Variants in ZFR2 observed in about 807,000 individuals in gnomAD.
The protein encoded by ZFR2 is zinc finger RNA binding protein 2, also known as zinc finger RNA-binding protein 2.
ZFR2 carries 104 observed loss-of-function variants against 105.7 expected under a neutral mutation model. The ratio of observed to expected loss-of-function variants is 0.98; its 90% CI spans 0.84 to 1.16. The LOEUF (loss-of-function observed/expected upper bound fraction) is 1.16. Ranked by LOEUF, ZFR2 falls within the 50% of genes most tolerant of loss-of-function variation. ZFR2 has a pLI of 0.00. For missense variants in ZFR2, 1,425 were observed against 1,355.5 expected (o/e 1.05, Z -0.80); for synonymous variants, 634 against 597.7 (o/e 1.06, Z -0.89).
At position 3,808,992 on chromosome 19, in the gene ZFR2, G is replaced by A; in HGVS notation, c.2434-9C>T. 1 of 1,538,688 alleles carries A rather than the reference G, an allele frequency of 6.5e-7. No individual in the cohort carries two copies. ...ACCAGCAGCTCCATGGCCTGGTGGGGACAGAAGAGCAGTTGCTGTGTTTTG... is the reference window on the plus strand; with the variant it reads ...ACCAGCAGCTCCATGGCCTGGTGGGAACAGAAGAGCAGTTGCTGTGTTTTG... On this transcript the variant is annotated splice_polypyrimidine_tract_variant and intron_variant, in intron 16 of 18. Coordinates refer to ENST00000262961, the MANE Select transcript of ZFR2 (RefSeq NM_015174.2).
chr19:3,827,697 C>G, intron 5 of ZFR2, 44 bp from the exon 6 acceptor site: 4 of 1,552,486 alleles, frequency 2.6e-6, no homozygotes, highest in Non-Finnish European at 3.5e-6. Flanking sequence ...GGTTTGCACA[C>G]TGGCCACTGT....
intron 13 of ZFR2, among the ~76,000 whole-genome samples, chr19:3,815,360 G>T (rs916996978): frequency 1.3e-5 from 2 of 152,178 alleles, no homozygotes; most frequent in African/African-American, 4.8e-5. Context: ...AAAGTGTTGG[G>T]ATTACAGGCA....
intron 3 of ZFR2, among the ~76,000 whole-genome samples, chr19:3,832,488 A>C (rs1275461745): frequency 2.0e-5 from 3 of 150,970 alleles, no homozygotes; most frequent in Admixed American, 2.0e-4. Context: ...TGCCCGGCTA[A>C]TTTTTCTATT....
intron 1 of ZFR2, 26 bp downstream of exon 1, chr19:3,868,923 AGGGGCCGGGACTGGCG>A: frequency 8.0e-7 from 1 of 1,254,918 alleles, no homozygotes; most frequent in Non-Finnish European, 1.0e-6. Context: ...GCCAGGCTGC[AGGGGCCGGGACTGGCG>A]GGGGCTGGCG....
chr19:3,824,794 G>A (rs190706660), intron 7 of ZFR2, among the ~76,000 whole-genome samples: 3 of 152,238 alleles, frequency 2.0e-5, no homozygotes, highest in Admixed American at 6.5e-5. Context: ...AAAATTAGCC[G>A]GGCGTGGTGG....
chr19:3,831,434 C>A lies in ZFR2; in HGVS notation c.721G>T (p.Gly241Cys). ...QQLPPPPAPA[G>C]SGSSPRADSK... The stretch of plus-strand genomic sequence containing the variant: ...TCGGCCCTGGGGCTGCTTCCTGAGC[C>A]TGCAGGCGCGGGCGGCGGGGGCAGC... The change falls in exon 5 of 19, where the codon GGC becomes TGC. Residue 241 changes from glycine (G) to cysteine (C), a missense_variant. Coordinates refer to ENST00000262961, the MANE Select transcript of ZFR2 (RefSeq NM_015174.2). The A allele has an allele frequency of 6.4e-7, 1 of 1,553,168 alleles. No individual in the cohort carries two copies. The highest frequency in any genetic ancestry group is 8.7e-7 in the Non-Finnish European group (1 of 1,149,768).
At position 3,857,995 on chromosome 19, in the gene ZFR2, C is replaced by T. The variant is rs140046282; in HGVS notation, c.53+10970G>A. Among the ~76,000 whole-genome samples the T allele has an allele frequency of 1.3e-3, 194 of 152,278 alleles. 2 individuals are homozygous for T. The East Asian group carries it at 0.034, about 27-fold the overall frequency. On this transcript the variant is annotated intron_variant, in intron 1 of 18. Transcript: ENST00000262961. Reference sequence around the variant, plus strand: ...CTGCCCGGCACTCCCACCTTCAGGCCCCAGGCTAATGTCTTTTGATGGCTT... The same window carrying T: ...CTGCCCGGCACTCCCACCTTCAGGCTCCAGGCTAATGTCTTTTGATGGCTT...
At chr19:3,865,014 G>A (rs2038414093) in intron 1 of ZFR2, among the ~76,000 whole-genome samples, 1 of 152,114 alleles carries the variant, frequency 6.6e-6, no homozygotes, top group Admixed American at 6.6e-5. Flanking sequence ...CTCCCAAAGT[G>A]CTGGGATTAC....
In ZFR2 at chr19:3,825,084, T is replaced by A. The variant is rs904351064; in HGVS notation, c.1213+146A>T. The stretch of plus-strand genomic sequence containing the variant: ...GGGAGGCCATCTTGCTCTGCAGGAA[T>A]AAGGGAGAGACGGCACCAGCCAGCC... On this transcript the variant is annotated intron_variant, in intron 7 of 18. Coordinates refer to ENST00000262961, the MANE Select transcript of ZFR2 (RefSeq NM_015174.2). 4.2e-6 allele frequency: 4 copies of A among 960,414 alleles called. No homozygotes were observed. In the African/African-American group the frequency reaches 7.0e-5, roughly 17 times the overall value. The allele number at this position is 960,414 out of a possible 1,614,324, so 59.5% of individuals were successfully genotyped here.
rs1466432974 is a variant in ZFR2 at position 3,813,072 on chromosome 19, T to C, written c.2242+748A>G. On this transcript the variant is annotated intron_variant, in intron 14 of 18. Coordinates refer to ENST00000262961, the MANE Select transcript of ZFR2 (RefSeq NM_015174.2). The surrounding 1 kb of genome is among the most constrained non-coding windows in gnomAD (Gnocchi z 4.4). ...TCCAGCCTGGGCAACAGAGCGAGAC[T>C]CTGTCTCAAAAAACAAACAAACAAA... Among the ~76,000 whole-genome samples the C allele has an allele frequency of 1.3e-5, 2 of 152,168 alleles. No individual in the cohort carries two copies. The highest frequency in any genetic ancestry group is 2.9e-5 in the Non-Finnish European group (2 of 68,030).
chr19:3,860,887 G>C (rs1040497720), intron 1 of ZFR2, among the ~76,000 whole-genome samples: 1 of 152,104 alleles, frequency 6.6e-6, no homozygotes, highest in African/African-American at 2.4e-5. Context: ...TGAGCCGCTC[G>C]TGTCAAGGGC....
At chr19:3,862,952 G>A (rs1025782875) in intron 1 of ZFR2, among the ~76,000 whole-genome samples, 2 of 152,238 alleles carry the variant, frequency 1.3e-5, no homozygotes, top group Non-Finnish European at 2.9e-5. Flanking sequence ...ACAGCTGGAG[G>A]GGCCCACGGT....
chr19:3,810,902 G>A (rs2145133252), intron 15 of ZFR2, 57 bp from the exon 16 acceptor site: 1 of 1,530,940 alleles, frequency 6.5e-7, no homozygotes, highest in Non-Finnish European at 8.8e-7. Flanking sequence ...ACACGGCATG[G>A]CGCCGGGCTC....
At chr19:3,832,631 T>TA (rs2038030847) in intron 3 of ZFR2, among the ~76,000 whole-genome samples, 1 of 150,312 alleles carries the variant, frequency 6.7e-6, no homozygotes, top group African/African-American at 2.5e-5. Context: ...TTATTTTGTT[T>TA]TTTTTTTTTA....
chr19:3,804,822 C>T lies in ZFR2; in HGVS notation c.*1127G>A, dbSNP rs528443787. ...GGGGCCCCAGAACAGGGCCTGCCCA[C>T]GTGATTTCAAATCCATGCCGCAGCC... On this transcript the variant is annotated 3_prime_UTR_variant, in exon 19 of 19. Transcript: ENST00000262961. 1.3e-3 allele frequency: 196 copies of T among 153,050 alleles called. No homozygotes were observed. Among genetic ancestry groups the T allele is most frequent in the Admixed American group, 2.4e-3 (37 of 15,374 alleles). 9.5% of individuals were successfully genotyped at this position (153,050 alleles called of 1,614,324 possible).
At chr19:3,820,723 G>T (rs1170431943) in intron 10 of ZFR2, among the ~76,000 whole-genome samples, 1 of 151,162 alleles carries the variant, frequency 6.6e-6, no homozygotes, top group Non-Finnish European at 1.5e-5. Context: ...AGGGTAAGGG[G>T]ACACAGGGTC....
Position 3,856,580 on chromosome 19 carries a change from G to A in ZFR2, c.53+12385C>T, listed in dbSNP as rs376933655. 4.6e-5 allele frequency among the ~76,000 whole-genome samples: 7 copies of A among 152,124 alleles called. No individual in the cohort carries two copies. The East Asian group carries it at 5.8e-4, about 13-fold the overall frequency. ...TCTCTCCATCCCTCCCCAGCCCCCG[G>A]AACCACTAATCCATTTCCTGTCTCT... On this transcript the variant is annotated intron_variant, in intron 1 of 18. Coordinates refer to ENST00000262961, the MANE Select transcript of ZFR2 (RefSeq NM_015174.2).
At chr19:3,840,056 C>T (rs1183434478) in intron 1 of ZFR2, among the ~76,000 whole-genome samples, 3 of 152,068 alleles carry the variant, frequency 2.0e-5, no homozygotes, top group Non-Finnish European at 2.9e-5. Flanking sequence ...CTCCAATGCC[C>T]GGCAAACCTT....
intron 15 of ZFR2, among the ~76,000 whole-genome samples, 187 bp downstream of exon 15, chr19:3,811,085 G>A (rs11671373): frequency 0.32 from 48,734 of 152,088 alleles, 8,491 homozygotes; most frequent in Non-Finnish European, 0.39. Context: ...CACACTTCCC[G>A]ACCCCATCAG....
Sources: gnomAD v4.1 joint callset for allele counts (sites outside exome capture counted in the v4.1 genomes callset) on GRCh38, gnomAD v4.1.1 for gene constraint, Gnocchi (gnomAD v3.1) non-coding constraint, MANE v1.5 for transcripts, NCBI Gene and HGNC (gene_info 2026-07-23, HGNC 2026-07-21) for gene names.